Variants in ZNF804B observed in about 807,000 individuals in gnomAD.
ZNF804B encodes the protein zinc finger protein 804B, also known as zinc finger 804B.
In ZNF804B, 80 loss-of-function variants were observed where a neutral mutation model predicts 101.4. The observed-to-expected ratio is 0.79, with a 90% CI of 0.66 to 0.95. The LOEUF (loss-of-function observed/expected upper bound fraction) is 0.95, where lower values mean the gene tolerates loss of function less well. ZNF804B is among the 40% of genes least tolerant of loss of function. ZNF804B has a pLI of 0.00. For synonymous variants in ZNF804B, 622 were observed against 558.8 expected, an observed-to-expected ratio of 1.11 and a Z score of -1.59; for missense variants, 1,673 against 1,561.9, an observed-to-expected ratio of 1.07 and a Z score of -1.20.
At position 88,980,724 on chromosome 7, in the gene ZNF804B, G is replaced by A. The variant is rs189454753; in HGVS notation, c.108+220640G>A. 3.7e-3 allele frequency among the ~76,000 whole-genome samples: 564 copies of A among 152,024 alleles called. 9 individuals are homozygous for A. Among genetic ancestry groups the A allele is most frequent in the Admixed American group, 0.032 (490 of 15,262 alleles). ...CTGGGGAGGGGGTGACACAAGCATC[G>A]CCATGGCCATCACCATTGGGACTGT... On this transcript the variant is annotated intron_variant, in intron 1 of 3. Coordinates refer to ENST00000333190, the MANE Select transcript of ZNF804B (RefSeq NM_181646.5).
In ZNF804B at chr7:89,336,046, T is replaced by C; in HGVS notation, c.3064T>C (p.Cys1022Arg). The change falls in exon 4 of 4, where the codon TGT (cysteine) becomes CGT (arginine). Residue 1022 changes from cysteine (C) to arginine (R), a missense_variant. By Grantham distance (180) the Cys-to-Arg change is radical (BLOSUM62 -3). Coordinates refer to ENST00000333190, the MANE Select transcript of ZNF804B (RefSeq NM_181646.5). ...NNFTILADTD[C>R]DNHLSKGIIH... is the part of the protein sequence containing the mutation. ...TTTTACAATTTTAGCAGACACTGAT[T>C]GTGATAACCATCTTTCTAAAGGTAT... 1 of 1,613,964 alleles carries C rather than the reference T, an allele frequency of 6.2e-7. No individual in the cohort carries two copies. The highest frequency in any genetic ancestry group is 8.5e-7 in the Non-Finnish European group (1 of 1,179,982).
chr7:89,286,723 G>C (rs1399030999), intron 2 of ZNF804B, among the ~76,000 whole-genome samples: 1 of 152,200 alleles, frequency 6.6e-6, no homozygotes, highest in Non-Finnish European at 1.5e-5. Flanking sequence ...TAGACAATCT[G>C]TCTGAAGGGC....
chr7:89,171,997 A>G (rs1791244727), intron 1 of ZNF804B, among the ~76,000 whole-genome samples: 1 of 146,322 alleles, frequency 6.8e-6, no homozygotes, highest in Non-Finnish European at 1.5e-5. Context: ...ACAGAAATTG[A>G]CTTGTTGTAT....
intron 1 of ZNF804B, among the ~76,000 whole-genome samples, chr7:89,131,773 G>A (rs192010598): frequency 4.7e-4 from 72 of 152,054 alleles, no homozygotes; most frequent in Non-Finnish European, 8.8e-4. Flanking sequence ...TAGAAAACTT[G>A]TTTTTACCTG....
At chr7:89,312,080 G>A (rs369737506) in intron 2 of ZNF804B, among the ~76,000 whole-genome samples, 1 of 152,106 alleles carries the variant, frequency 6.6e-6, no homozygotes, top group Non-Finnish European at 1.5e-5. Flanking sequence ...GAATGGTGTG[G>A]CTTGCCTGGG....
intron 1 of ZNF804B, among the ~76,000 whole-genome samples, chr7:89,110,455 G>A (rs188287584): frequency 2.0e-5 from 3 of 152,294 alleles, no homozygotes; most frequent in Non-Finnish European, 4.4e-5. Context: ...ATGTGGAAAA[G>A]GAATAATGTG....
intron 1 of ZNF804B, among the ~76,000 whole-genome samples, chr7:88,954,315 A>G (rs918570477): frequency 1.1e-4 from 16 of 151,710 alleles, no homozygotes; most frequent in African/African-American, 3.9e-4. Context: ...ATTGTTTCAA[A>G]TTGTCATTCT....
chr7:89,034,619 G>A (rs11773817), intron 1 of ZNF804B, among the ~76,000 whole-genome samples: 67,268 of 151,982 alleles, frequency 0.44, 15,660 homozygotes, highest in Non-Finnish European at 0.52. Flanking sequence ...CATGGTGTAT[G>A]TGTGCCACAT....
At chr7:88,905,470 G>A (rs1792455302) in intron 1 of ZNF804B, among the ~76,000 whole-genome samples, 2 of 151,876 alleles carry the variant, frequency 1.3e-5, no homozygotes, top group African/African-American at 4.8e-5. Context: ...CAATTCTCCT[G>A]CCTCAACCTC....
In ZNF804B at chr7:89,303,555, A is replaced by G. The variant is rs117891772; in HGVS notation, c.250-23789A>G. Among the ~76,000 whole-genome samples, 1,018 of 152,036 alleles carry G rather than the reference A, an allele frequency of 6.7e-3. 8 individuals are homozygous for G. The highest frequency in any genetic ancestry group is 0.011 in the Admixed American group (163 of 15,208). ...TGTATAATTCTGAGCAAGTTATCCA[A>G]CATCTCTTAGCCTCAGTTTTCTTAT... On this transcript the variant is annotated intron_variant, in intron 2 of 3. Coordinates refer to ENST00000333190, the MANE Select transcript of ZNF804B (RefSeq NM_181646.5).
intron 1 of ZNF804B, among the ~76,000 whole-genome samples, chr7:88,838,980 C>A (rs189790232): frequency 6.6e-6 from 1 of 152,144 alleles, no homozygotes; most frequent in East Asian, 1.9e-4. Context: ...GTTACTAATA[C>A]ATGTAACCAG....
intron 1 of ZNF804B, among the ~76,000 whole-genome samples, chr7:89,178,173 G>T (rs1788234812): frequency 6.6e-6 from 1 of 151,998 alleles, no homozygotes; most frequent in African/African-American, 2.4e-5. Context: ...TATAGGTGAA[G>T]TATATTTCTT....
chr7:88,985,092 C>A (rs1793741294), intron 1 of ZNF804B, among the ~76,000 whole-genome samples: 1 of 151,858 alleles, frequency 6.6e-6, no homozygotes, highest in Non-Finnish European at 1.5e-5. Context: ...TTTTCTTATT[C>A]TTTAGAAAGT....
chr7:88,837,183 G>A (rs1375032166), intron 1 of ZNF804B, among the ~76,000 whole-genome samples: 1 of 151,826 alleles, frequency 6.6e-6, no homozygotes, highest in Non-Finnish European at 1.5e-5. Context: ...TTTGTAAAGA[G>A]TAACTGACAG....
intron 2 of ZNF804B, among the ~76,000 whole-genome samples, chr7:89,288,301 A>G (rs182233028): frequency 6.6e-6 from 1 of 152,258 alleles, no homozygotes; most frequent in Non-Finnish European, 1.5e-5. Flanking sequence ...ATATATAAGG[A>G]GTTCCAGAAA....
At chr7:89,116,389 G>A (rs1210415266) in intron 1 of ZNF804B, among the ~76,000 whole-genome samples, 5 of 152,078 alleles carry the variant, frequency 3.3e-5, no homozygotes, top group Non-Finnish European at 7.4e-5. Context: ...ATAGTATTCT[G>A]CATTTCCTGC....
In ZNF804B at chr7:89,335,004, T is replaced by C; in HGVS notation, c.2022T>C (p.Ser674=). 6.2e-7 allele frequency: 1 copy of C among 1,613,856 alleles called. No individual in the cohort carries two copies. The highest frequency in any genetic ancestry group is 8.5e-7 in the Non-Finnish European group (1 of 1,179,908). ...ACAGTGACCATGGGAAAGACTTCAG[T>C]GTAATTTTGAAGAGTAACCACATCA... ...GGHSDHGKDF[S]VILKSNHISM... The change falls in exon 4 of 4, where the codon AGT becomes AGC. Residue 674 remains serine, a synonymous_variant. Coordinates refer to ENST00000333190, the MANE Select transcript of ZNF804B (RefSeq NM_181646.5).
chr7:88,880,211 A>G (rs1010317467), intron 1 of ZNF804B, among the ~76,000 whole-genome samples: 1 of 152,214 alleles, frequency 6.6e-6, no homozygotes, highest in Admixed American at 6.5e-5. Flanking sequence ...AAAATTTGCT[A>G]TAAAGAGGCT....
intron 1 of ZNF804B, among the ~76,000 whole-genome samples, chr7:88,891,044 G>A (rs942429471): frequency 2.0e-5 from 3 of 151,938 alleles, no homozygotes; most frequent in Admixed American, 6.6e-5. Flanking sequence ...TGAAAACAGC[G>A]TTAATTGTTT....
Sources: allele counts gnomAD v4.1 joint callset (sites outside exome capture counted in the v4.1 genomes callset), GRCh38; gene constraint gnomAD v4.1.1; transcripts MANE v1.5; gene names NCBI Gene and HGNC (gene_info 2026-07-23, HGNC 2026-07-21).